Variants in KIAA1958 observed in about 807,000 individuals in gnomAD.
KIAA1958 encodes the protein KIAA1958.
In KIAA1958, 14 loss-of-function variants were observed where a neutral mutation model predicts 47.2. That is an observed-to-expected ratio of 0.30 (90% CI 0.20 to 0.46). KIAA1958 has a LOEUF of 0.46. Ranked by LOEUF, KIAA1958 falls within the 20% of genes least tolerant of loss-of-function variation. The pLI, the probability that KIAA1958 is intolerant of heterozygous loss-of-function variation, is 1.00. For missense variants in KIAA1958, 803 were observed against 909.2 expected (o/e 0.88, Z 1.50); for synonymous variants, 354 against 353.3 (o/e 1.00, Z -0.02).
chr9:112,575,991 C>A (rs150303398), intron 2 of KIAA1958, among the ~76,000 whole-genome samples: 1 of 152,266 alleles, frequency 6.6e-6, no homozygotes, highest in African/African-American at 2.4e-5. Context: ...CTTCATGACT[C>A]AATTCTAGTA....
intron 2 of KIAA1958, among the ~76,000 whole-genome samples, chr9:112,640,656 A>T (rs1231974992): frequency 6.6e-6 from 1 of 152,122 alleles, no homozygotes; most frequent in Non-Finnish European, 1.5e-5. Context: ...CCTTAAGAGA[A>T]AAACATGGTG....
chr9:112,600,284 T>C (rs1564186669), intron 2 of KIAA1958, among the ~76,000 whole-genome samples: 2 of 152,168 alleles, frequency 1.3e-5, no homozygotes, highest in East Asian at 3.9e-4. Context: ...ATTCACCTAA[T>C]GTTGCATCTC....
At chr9:112,648,369 C>G (rs1007443513) in intron 3 of KIAA1958, among the ~76,000 whole-genome samples, 2 of 152,170 alleles carry the variant, frequency 1.3e-5, no homozygotes, top group Non-Finnish European at 2.9e-5. Context: ...TGACAGAGCA[C>G]TCAGAACTAG....
chr9:112,619,851 T>G (rs939562912), intron 2 of KIAA1958, among the ~76,000 whole-genome samples: 1 of 152,122 alleles, frequency 6.6e-6, no homozygotes, highest in Non-Finnish European at 1.5e-5. Flanking sequence ...GAAGCAGTAG[T>G]CGAGACAACA....
intron 2 of KIAA1958, among the ~76,000 whole-genome samples, chr9:112,592,083 G>C (rs1432909175): frequency 6.6e-6 from 1 of 152,170 alleles, no homozygotes; most frequent in East Asian, 1.9e-4. Context: ...GAGTGGTTTG[G>C]TAGGAGTCAG....
Position 112,664,589 on chromosome 9 carries a change from T to C in KIAA1958, c.*4520T>C, listed in dbSNP as rs552245404. ...GAAGTATGTATTAAATGTTTCAAAC[T>C]TGTATATATTTTTGAATGCTTTTGT... On this transcript the variant is annotated 3_prime_UTR_variant, in exon 4 of 4. Coordinates refer to ENST00000337530, the MANE Select transcript of KIAA1958 (RefSeq NM_133465.4). 6 of 152,364 alleles carry C rather than the reference T, an allele frequency of 3.9e-5. No individual in the cohort carries two copies. The South Asian group carries it at 1.0e-3, about 26-fold the overall frequency. The allele number at this position is 152,364 out of a possible 1,614,324, so 9.4% of individuals were successfully genotyped here. A position where few individuals can be genotyped will look rare whatever the true frequency, so the allele number is the denominator to read the frequency against.
At chr9:112,542,892 G>A (rs1418392067) in intron 1 of KIAA1958, among the ~76,000 whole-genome samples, 1 of 152,210 alleles carries the variant, frequency 6.6e-6, no homozygotes, top group Non-Finnish European at 1.5e-5. Context: ...GCTCAGGCTG[G>A]TGAGACTGGT....
At chr9:112,544,756 A>G (rs1038050443) in intron 1 of KIAA1958, among the ~76,000 whole-genome samples, 2 of 152,192 alleles carry the variant, frequency 1.3e-5, no homozygotes, top group Admixed American at 1.3e-4. Flanking sequence ...AGACTGCTAT[A>G]TAGGAAAGCA....
chr9:112,571,750 C>T (rs1184538727), intron 1 of KIAA1958, among the ~76,000 whole-genome samples: 1 of 149,460 alleles, frequency 6.7e-6, no homozygotes, highest in Non-Finnish European at 1.5e-5. Flanking sequence ...CAGTTCAAGA[C>T]CAGCTTGGGC....
At chr9:112,602,293 G>A (rs1422387798) in intron 2 of KIAA1958, among the ~76,000 whole-genome samples, 2 of 152,182 alleles carry the variant, frequency 1.3e-5, no homozygotes, top group Non-Finnish European at 2.9e-5. Flanking sequence ...AAACACGAAT[G>A]TTGGCAAATA....
intron 1 of KIAA1958, among the ~76,000 whole-genome samples, chr9:112,494,857 C>G (rs1439185715): frequency 6.6e-6 from 1 of 152,060 alleles, no homozygotes; most frequent in Non-Finnish European, 1.5e-5. Flanking sequence ...TTTGTCATTT[C>G]TTATTGTACA....
rs1243150011 is a variant in KIAA1958 at position 112,574,340 on chromosome 9, TA to T, written c.262del (p.Ile88SerfsTer20). On this transcript the variant is annotated frameshift_variant, in exon 2 of 4. Transcript: ENST00000337530. LOFTEE classifies it high-confidence loss of function. Reference protein sequence around the residue: ...NRSFNSDSPSIIGVPSETQTS... With the variant: ...NRSFNSDSPSXIGVPSETQTS... ...AGTTTTAACTCTGATAGTCCCAGTA[TA>T]ATCGGGGTGCCCTCTGAGACACAGA... The T allele has an allele frequency of 6.2e-7, 1 of 1,614,130 alleles. No individual in the cohort carries two copies.
intron 1 of KIAA1958, among the ~76,000 whole-genome samples, chr9:112,541,630 C>A (rs919885438): frequency 1.3e-5 from 2 of 152,044 alleles, no homozygotes; most frequent in African/African-American, 4.8e-5. Context: ...ATGGTGAAAC[C>A]CTGTCTCTAC....
chr9:112,594,802 A>C (rs1161581411), intron 2 of KIAA1958, among the ~76,000 whole-genome samples: 2 of 152,198 alleles, frequency 1.3e-5, no homozygotes, highest in South Asian at 2.1e-4. Context: ...TGAATTACCA[A>C]TCAAATTGTT....
At chr9:112,533,100 T>G (rs900968322) in intron 1 of KIAA1958, among the ~76,000 whole-genome samples, 18 of 152,100 alleles carry the variant, frequency 1.2e-4, no homozygotes, top group African/African-American at 3.6e-4. Context: ...ATAAAATATG[T>G]GTGTATCTAT....
chr9:112,521,373 C>T lies in KIAA1958; in HGVS notation c.-25+34255C>T, dbSNP rs182598762. On this transcript the variant is annotated intron_variant, in intron 1 of 3. Transcript: ENST00000337530. ...GACCACAGGTGTGTGCCACTATGCCCGGCTAATTTTTTAAATTTTTTGTAG... is the reference window on the plus strand; with the variant it reads ...GACCACAGGTGTGTGCCACTATGCCTGGCTAATTTTTTAAATTTTTTGTAG... Among the ~76,000 whole-genome samples the T allele has an allele frequency of 8.1e-3, 1,230 of 152,028 alleles. 6 individuals carry two copies. Among genetic ancestry groups the T allele is most frequent in the Non-Finnish European group, 0.014 (952 of 67,972 alleles).
At chr9:112,625,301 A>G (rs548946484) in intron 2 of KIAA1958, among the ~76,000 whole-genome samples, 1 of 152,138 alleles carries the variant, frequency 6.6e-6, no homozygotes, top group Admixed American at 6.5e-5. Flanking sequence ...CCCGGTTCAT[A>G]CCATCCTGCC....
At chr9:112,550,541 G>A (rs1043927826) in intron 1 of KIAA1958, among the ~76,000 whole-genome samples, 2 of 152,162 alleles carry the variant, frequency 1.3e-5, no homozygotes, top group South Asian at 4.1e-4. Context: ...TCAGAAAGCT[G>A]TTTATGCTCA....
chr9:112,557,560 T>G (rs768395491), intron 1 of KIAA1958, among the ~76,000 whole-genome samples: 6 of 152,170 alleles, frequency 3.9e-5, no homozygotes, highest in Non-Finnish European at 8.8e-5. Context: ...GGTATATATC[T>G]CAGCTAACCA....
Sources: allele counts gnomAD v4.1 joint callset (sites outside exome capture counted in the v4.1 genomes callset), GRCh38; gene constraint gnomAD v4.1.1; transcripts MANE v1.5; gene names NCBI Gene and HGNC (gene_info 2026-07-23, HGNC 2026-07-21).